SCAMP4: variants seen among roughly 807,000 people sequenced by gnomAD.
The protein encoded by SCAMP4 is secretory carrier membrane protein 4.
In SCAMP4, 19 loss-of-function variants were observed where a neutral mutation model predicts 32.1. The ratio of observed to expected loss-of-function variants is 0.59; its 90% confidence interval spans 0.41 to 0.87. The LOEUF is 0.87. Ranked by LOEUF, SCAMP4 falls within the 40% of genes least tolerant of loss-of-function variation. SCAMP4 has a pLI of 0.00. For synonymous variants in SCAMP4, 152 were observed against 132.7 expected, an observed-to-expected ratio of 1.15 and a Z score of -1.00; for missense variants, 302 against 309.0, an observed-to-expected ratio of 0.98 and a Z score of 0.17.
intron 5 of SCAMP4, chr19:1,920,599 C>G: frequency 4.1e-6 from 4 of 985,442 alleles, no homozygotes; most frequent in Non-Finnish European, 4.8e-6. Context: ...GAGCGTGTGC[C>G]TGGGACTCCC....
chr19:1,921,546 C>T, intron 5 of SCAMP4: 1 of 985,464 alleles, frequency 1.0e-6, no homozygotes, highest in African/African-American at 1.7e-5. Flanking sequence ...TGGGTGCCTC[C>T]CTAGACCTGA....
chr19:1,912,020 C>T (rs1305658398), intron 1 of SCAMP4: 1 of 1,418,598 alleles, frequency 7.0e-7, no homozygotes, highest in African/African-American at 1.5e-5. Context: ...GACTCCCCGG[C>T]TCTCCCCCAG....
intron 3 of SCAMP4, 120 bp from the exon 4 acceptor site, chr19:1,918,007 C>A: frequency 7.1e-7 from 1 of 1,403,116 alleles, no homozygotes; most frequent in Non-Finnish European, 9.7e-7. Context: ...CACAGTTCAT[C>A]CTCGACATGG....
intron 2 of SCAMP4, chr19:1,915,327 C>T: frequency 2.0e-6 from 1 of 496,876 alleles, no homozygotes; most frequent in Non-Finnish European, 3.6e-6. Flanking sequence ...TCTCATGTGC[C>T]CCGGGGTCCC....
chr19:1,913,920 C>T lies in SCAMP4; in HGVS notation c.-41-1059C>T, dbSNP rs117784990. Among the ~76,000 whole-genome samples the T allele has an allele frequency of 4.8e-3, 728 of 152,252 alleles. 6 individuals carry two copies. Among genetic ancestry groups the T allele is most frequent in the Non-Finnish European group, 6.7e-3 (459 of 68,000 alleles). ...CCCCCAGCCCATAGGGGAGGGGATC[C>T]GGCAGGTGGGGGCTCTGCGTGGGGA... is the stretch of plus-strand genomic sequence containing the variant. On this transcript the variant is annotated intron_variant, in intron 1 of 6. Coordinates refer to ENST00000316097, the MANE Select transcript of SCAMP4 (RefSeq NM_079834.4).
At position 1,925,913 on chromosome 19, in the gene SCAMP4, C is replaced by CT. The variant is rs1000586513; in HGVS notation, c.*1629_*1630insT. The CT allele has an allele frequency of 2.7e-5, 3 of 109,446 alleles. No individual in the cohort carries two copies. Among genetic ancestry groups the CT allele is most frequent in the Non-Finnish European group, 5.4e-5 (3 of 55,858 alleles). 6.8% of individuals were successfully genotyped at this position (109,446 alleles called of 1,614,324 possible). A position where few individuals can be genotyped will look rare whatever the true frequency, so the allele number is the denominator to read the frequency against. ...AAAATCTCACCTGGCAGGCCCAACC[C>CT]CCCCCCACCCCTCCCCCGCCGTGTG... On this transcript the variant is annotated 3_prime_UTR_variant, in exon 7 of 7. Coordinates refer to ENST00000316097, the MANE Select transcript of SCAMP4 (RefSeq NM_079834.4).
At chr19:1,914,466 C>T (rs56212356) in intron 1 of SCAMP4, 115,587 of 171,836 alleles carry the variant, frequency 0.67, 41,467 homozygotes, top group Non-Finnish European at 0.82. Context: ...CTGGGCTGGC[C>T]CACCTCCCGA....
At chr19:1,911,484 T>A (rs923153876) in intron 1 of SCAMP4, among the ~76,000 whole-genome samples, 3 of 152,228 alleles carry the variant, frequency 2.0e-5, no homozygotes. Flanking sequence ...TGAATTGTGC[T>A]TTTGAAAATG....
At chr19:1,915,971 G>A (rs558665916) in intron 2 of SCAMP4, among the ~76,000 whole-genome samples, 3 of 136,322 alleles carry the variant, frequency 2.2e-5, no homozygotes, top group East Asian at 2.2e-4. Context: ...TGGTCCGGGC[G>A]TGGTGGCTCA....
intron 5 of SCAMP4, chr19:1,921,213 C>T (rs2013909808): frequency 9.1e-6 from 9 of 984,934 alleles, no homozygotes; most frequent in Non-Finnish European, 1.1e-5. Flanking sequence ...CACCTCCCCA[C>T]ACACTCTGTG....
intron 1 of SCAMP4, chr19:1,912,574 T>A: frequency 6.7e-7 from 1 of 1,497,352 alleles, no homozygotes; most frequent in Non-Finnish European, 8.8e-7. Flanking sequence ...ACCAGCGCCC[T>A]GGCTGGGCGG....
At chr19:1,914,289 G>C (rs969777284) in intron 1 of SCAMP4, among the ~76,000 whole-genome samples, 24 of 152,176 alleles carry the variant, frequency 1.6e-4, no homozygotes, top group African/African-American at 5.8e-4. Context: ...TCCTGAACGG[G>C]TTGTGAGTGG....
intron 1 of SCAMP4, chr19:1,905,685 C>G (rs2013073007): frequency 6.5e-6 from 1 of 154,656 alleles, no homozygotes; most frequent in African/African-American, 2.4e-5. Context: ...CCGCGCTCCC[C>G]CGGGCCTAGC....
At chr19:1,919,343 G>A (rs1282671675) in intron 5 of SCAMP4, 8 of 1,150,572 alleles carry the variant, frequency 7.0e-6, no homozygotes, top group African/African-American at 1.6e-5. Flanking sequence ...GTTTCTGCAC[G>A]GATCGCTGCA....
intron 5 of SCAMP4, chr19:1,921,565 T>C (rs961794658): frequency 4.1e-6 from 4 of 985,286 alleles, no homozygotes; most frequent in Middle Eastern, 5.2e-4. Flanking sequence ...GACACTTGCA[T>C]GCGGGGGCGT....
chr19:1,918,365 G>A, intron 4 of SCAMP4, 82 bp downstream of exon 4: 1 of 1,387,014 alleles, frequency 7.2e-7, no homozygotes, highest in Non-Finnish European at 9.6e-7. Context: ...CAGCTGTGAG[G>A]AGCTGTCCCT....
chr19:1,915,331 G>A, intron 2 of SCAMP4: 2 of 489,318 alleles, frequency 4.1e-6, no homozygotes, highest in Non-Finnish European at 7.4e-6. Flanking sequence ...ATGTGCCCCG[G>A]GGTCCCTCAC....
chr19:1,909,411 C>T (rs1372926549), intron 1 of SCAMP4, among the ~76,000 whole-genome samples: 4 of 152,204 alleles, frequency 2.6e-5, no homozygotes, highest in Non-Finnish European at 5.9e-5. Flanking sequence ...CCCACCAGCC[C>T]TTCCTCTCCA....
At chr19:1,914,366 C>T (rs1344821054) in intron 1 of SCAMP4, among the ~76,000 whole-genome samples, 1 of 152,126 alleles carries the variant, frequency 6.6e-6, no homozygotes, top group Non-Finnish European at 1.5e-5. Flanking sequence ...GCCCCGTGCC[C>T]GCCCCCTCGG....
Sources: gnomAD v4.1 joint callset for allele counts (sites outside exome capture counted in the v4.1 genomes callset) on GRCh38, gnomAD v4.1.1 for gene constraint, MANE v1.5 for transcripts, NCBI Gene and HGNC (gene_info 2026-07-23, HGNC 2026-07-21) for gene names.